CUX2: variants seen among roughly 807,000 people sequenced by gnomAD.
CUX2 encodes the protein homeobox protein cut-like 2.
In CUX2, 40 loss-of-function variants were observed where a neutral mutation model predicts 144.8. That is an observed-to-expected ratio of 0.28 (90% CI 0.21 to 0.36). CUX2 has a LOEUF of 0.36. Ranked by LOEUF, CUX2 falls within the 10% of genes least tolerant of loss-of-function variation. The pLI, the probability that CUX2 is intolerant of heterozygous loss-of-function variation, is 1.00. For missense variants in CUX2, 1,615 were observed against 1,994.0 expected, an observed-to-expected ratio of 0.81 and a Z score of 3.62; for synonymous variants, 827 against 875.6, an observed-to-expected ratio of 0.94 and a Z score of 0.98.
At chr12:111,195,230 CT>C (rs1008659779) in intron 1 of CUX2, among the ~76,000 whole-genome samples, 1 of 152,152 alleles carries the variant, frequency 6.6e-6, no homozygotes, top group Non-Finnish European at 1.5e-5. Context: ...CCCAACGCAC[CT>C]TTTTTTCCCT....
In CUX2 at chr12:111,348,364, A is replaced by G. The variant is rs1319179834; in HGVS notation, c.*39A>G. 56 of 1,555,674 alleles carry G rather than the reference A, an allele frequency of 3.6e-5. No homozygotes were observed. Among genetic ancestry groups the G allele is most frequent in the Middle Eastern group, 3.4e-4 (2 of 5,844 alleles). On this transcript the variant is annotated 3_prime_UTR_variant, in exon 22 of 22. Transcript: ENST00000261726. ...GGGCAAGGGACATACCCTGGTAACT[A>G]CCTTCCTTCTCGCACTTACTCTCCT...
chr12:111,105,037 G>T (rs141435281), intron 1 of CUX2, among the ~76,000 whole-genome samples: 1 of 152,184 alleles, frequency 6.6e-6, no homozygotes, highest in Non-Finnish European at 1.5e-5. Flanking sequence ...CTTATAACCT[G>T]TTCTCCTCTA....
At chr12:111,206,770 G>A (rs1192597929) in intron 1 of CUX2, among the ~76,000 whole-genome samples, 1 of 152,230 alleles carries the variant, frequency 6.6e-6, no homozygotes, top group African/African-American at 2.4e-5. Flanking sequence ...GACAAGATCA[G>A]TTGGGTGAAT....
rs1166069843 is a variant in CUX2, at chr12:111,348,913, A to G, written c.*588A>G. 6.5e-6 allele frequency: 1 copy of G among 152,702 alleles called. No individual in the cohort carries two copies. The highest frequency in any genetic ancestry group is 1.5e-5 in the Non-Finnish European group (1 of 68,098). 9.5% of individuals were successfully genotyped at this position (152,702 alleles called of 1,614,324 possible). A position where few individuals can be genotyped will look rare whatever the true frequency, so the allele number is the denominator to read the frequency against. On this transcript the variant is annotated 3_prime_UTR_variant, in exon 22 of 22. Coordinates refer to ENST00000261726, the MANE Select transcript of CUX2 (RefSeq NM_015267.4). ...TGTCTGTGAGACACAGCGCAATGCTACTGCCCTTCCAGAAACTGTGCTAAA... is the reference window on the plus strand; with the variant it reads ...TGTCTGTGAGACACAGCGCAATGCTGCTGCCCTTCCAGAAACTGTGCTAAA...
chr12:111,099,743 C>A (rs1248016095), intron 1 of CUX2: 1 of 454,254 alleles, frequency 2.2e-6, no homozygotes, highest in East Asian at 7.0e-5. Context: ...CTGGGGCCTG[C>A]ACGGATGGTG....
chr12:111,345,366 C>A (rs1281679626), intron 21 of CUX2, among the ~76,000 whole-genome samples: 1 of 150,438 alleles, frequency 6.6e-6, no homozygotes, highest in Non-Finnish European at 1.5e-5. Flanking sequence ...TCACTTGAAC[C>A]CAGGAGGCGG....
At chr12:111,202,969 C>T (rs769354859) in intron 1 of CUX2, among the ~76,000 whole-genome samples, 1 of 152,060 alleles carries the variant, frequency 6.6e-6, no homozygotes, top group Admixed American at 6.6e-5. Context: ...CCATGGTTCA[C>T]GACTATAATC....
rs954753181 is a variant in CUX2, at chr12:111,037,544, G to A, written c.63+3304G>A. On this transcript the variant is annotated intron_variant, in intron 1 of 21. Coordinates refer to ENST00000261726, the MANE Select transcript of CUX2 (RefSeq NM_015267.4). The surrounding 1 kb of genome is among the most constrained non-coding windows in gnomAD (Gnocchi z 5.4). ...ATCTGACATGTGCCACCCTACTCCGGCACTCCTGAAACTACCTCCCCCCGT... is the reference window on the plus strand; with the variant it reads ...ATCTGACATGTGCCACCCTACTCCGACACTCCTGAAACTACCTCCCCCCGT... Among the ~76,000 whole-genome samples, 4 of 152,116 alleles carry A rather than the reference G, an allele frequency of 2.6e-5. No individual in the cohort carries two copies. Among genetic ancestry groups the A allele is most frequent in the Non-Finnish European group, 5.9e-5 (4 of 68,014 alleles).
At chr12:111,109,186 T>C (rs1245553644) in intron 1 of CUX2, among the ~76,000 whole-genome samples, 1 of 152,184 alleles carries the variant, frequency 6.6e-6, no homozygotes, top group Non-Finnish European at 1.5e-5. Flanking sequence ...TGTCCCTCTT[T>C]CTCTCTCTTA....
intron 1 of CUX2, among the ~76,000 whole-genome samples, chr12:111,203,563 A>G (rs1390271966): frequency 6.6e-6 from 1 of 151,976 alleles, no homozygotes; most frequent in East Asian, 1.9e-4. Flanking sequence ...AAAAAAAGAA[A>G]AAAAAGAAAA....
At chr12:111,308,564 C>T (rs57009273) in intron 14 of CUX2, 38 bp downstream of exon 14, 721 of 1,549,730 alleles carry the variant, frequency 4.7e-4, no homozygotes, top group African/African-American at 4.0e-3. Context: ...AGGGCTGGGG[C>T]GGGGGCTGCC....
intron 20 of CUX2, among the ~76,000 whole-genome samples, chr12:111,338,952 G>A (rs1399028525): frequency 6.6e-6 from 1 of 152,080 alleles, no homozygotes; most frequent in East Asian, 1.9e-4. Flanking sequence ...CCAATACTCT[G>A]CCAGGTGCAG....
chr12:111,290,988 G>A (rs1016454440), intron 4 of CUX2, among the ~76,000 whole-genome samples: 15 of 151,446 alleles, frequency 9.9e-5, no homozygotes, highest in African/African-American at 2.4e-4. Context: ...TCAGCCTCCC[G>A]AATAGCTGGG....
Position 111,186,073 on chromosome 12 carries a change from G to A in CUX2, c.64-28127G>A, listed in dbSNP as rs1018797963. ...TCTCCCTCCCTCCCTTCCTCCTCCT[G>A]CCCTCTGTTCTGCCCTCGCCCCCTT... On this transcript the variant is annotated intron_variant, in intron 1 of 21. Coordinates refer to ENST00000261726, the MANE Select transcript of CUX2 (RefSeq NM_015267.4). The surrounding 1 kb of genome is among the most constrained non-coding windows in gnomAD (Gnocchi z 4.4). Among the ~76,000 whole-genome samples, 33 of 149,986 alleles carry A rather than the reference G, an allele frequency of 2.2e-4. No homozygotes were observed. The highest frequency in any genetic ancestry group is 8.1e-4 in the African/African-American group (33 of 40,552).
chr12:111,325,539 C>T (rs1220580518), intron 18 of CUX2, among the ~76,000 whole-genome samples: 1 of 152,034 alleles, frequency 6.6e-6, no homozygotes, highest in Admixed American at 6.6e-5. Flanking sequence ...GGCCATCAGG[C>T]TTCCTGCCCC....
intron 1 of CUX2, among the ~76,000 whole-genome samples, chr12:111,085,726 C>T (rs1387853240): frequency 6.6e-6 from 1 of 152,204 alleles, no homozygotes; most frequent in Non-Finnish European, 1.5e-5. Context: ...ATCAGCACTA[C>T]TTGGTTCCCT....
intron 1 of CUX2, among the ~76,000 whole-genome samples, chr12:111,088,573 A>C (rs183912596): frequency 5.5e-4 from 84 of 152,308 alleles, no homozygotes; most frequent in African/African-American, 1.5e-3. Context: ...CTACGATGTG[A>C]CGCTTTAACT....
In CUX2 at chr12:111,304,439, GA is replaced by G. The variant is rs1886472689; in HGVS notation, c.858+126del. 4.1e-6 allele frequency: 3 copies of G among 730,200 alleles called. No individual in the cohort carries two copies. Among genetic ancestry groups the G allele is most frequent in the Non-Finnish European group, 7.1e-6 (3 of 424,282 alleles). The allele number at this position is 730,200 out of a possible 1,614,324, so 45.2% of individuals were successfully genotyped here. A position where few individuals can be genotyped will look rare whatever the true frequency, so the allele number is the denominator to read the frequency against. Reference sequence around the variant, plus strand: ...ATTGTGTGCATCCATTTGAAACTGGGAGTGTGAATGTGTGTGGGTCTCTGTG... The same window carrying G: ...ATTGTGTGCATCCATTTGAAACTGGGGTGTGAATGTGTGTGGGTCTCTGTG... On this transcript the variant is annotated intron_variant, in intron 10 of 21. Transcript: ENST00000261726. The surrounding 1 kb of genome is among the most constrained non-coding windows in gnomAD (Gnocchi z 4.7).
chr12:111,040,446 A>G (rs928593529), intron 1 of CUX2, among the ~76,000 whole-genome samples: 31 of 151,804 alleles, frequency 2.0e-4, no homozygotes, highest in Admixed American at 5.2e-4. Flanking sequence ...TCCCACAAAC[A>G]CATCAAGCAT....
Sources: allele counts gnomAD v4.1 joint callset (sites outside exome capture counted in the v4.1 genomes callset), GRCh38; gene constraint gnomAD v4.1.1; non-coding constraint Gnocchi (gnomAD v3.1); transcripts MANE v1.5; gene names NCBI Gene and HGNC (gene_info 2026-07-23, HGNC 2026-07-21).